The following VSTM4 variants were observed in gnomAD, a reference collection of about 807,000 sequenced individuals.
VSTM4 encodes the protein V-set and transmembrane domain-containing protein 4.
Under a neutral mutation model 36.4 loss-of-function variants are expected in VSTM4, and 20 were observed. The observed-to-expected ratio is 0.55, with a 90% CI of 0.39 to 0.80. The LOEUF is 0.80. VSTM4 is among the 30% of genes least tolerant of loss of function. The pLI, the probability that VSTM4 is intolerant of heterozygous loss-of-function variation, is 0.00. For missense variants in VSTM4, 392 were observed against 404.5 expected (o/e 0.97, Z 0.26); for synonymous variants, 182 against 173.9 (o/e 1.05, Z -0.37).
In VSTM4 at chr10:49,051,307, T is replaced by A. The variant is rs183531514; in HGVS notation, c.669-2723A>T. ...CACAGAGTTGGAATGATACAATATA[T>A]AGCCTTTTCAGATTGGCCTCTTTCA... On this transcript the variant is annotated intron_variant, in intron 5 of 7. Transcript: ENST00000332853. Among the ~76,000 whole-genome samples, 4 of 152,266 alleles carry A rather than the reference T, an allele frequency of 2.6e-5. No individual in the cohort carries two copies. In the East Asian group the frequency reaches 7.7e-4, roughly 29 times the overall value.
Position 49,019,610 on chromosome 10 carries a change from G to C in VSTM4, c.*40C>G. The C allele has an allele frequency of 6.4e-7, 1 of 1,563,290 alleles. No homozygotes were observed. The highest frequency in any genetic ancestry group is 1.2e-5 in the South Asian group (1 of 83,912). On this transcript the variant is annotated 3_prime_UTR_variant, in exon 8 of 8. Coordinates refer to ENST00000332853, the MANE Select transcript of VSTM4 (RefSeq NM_001031746.5). Reference sequence around the variant, plus strand: ...TCTCCAAGGCTTCATAAATCACTGGGTGGCAGGTATTAAATAGAACCTTGG... The same window carrying C: ...TCTCCAAGGCTTCATAAATCACTGGCTGGCAGGTATTAAATAGAACCTTGG...
intron 5 of VSTM4, among the ~76,000 whole-genome samples, chr10:49,056,033 T>G (rs1843773313): frequency 6.6e-6 from 1 of 152,268 alleles, no homozygotes; most frequent in Non-Finnish European, 1.5e-5. Context: ...CTGCTGCATC[T>G]GCTCCATGAC....
intron 5 of VSTM4, among the ~76,000 whole-genome samples, chr10:49,055,047 A>G (rs1043269600): frequency 6.6e-6 from 1 of 152,170 alleles, no homozygotes; most frequent in African/African-American, 2.4e-5. Context: ...CCTGGGCACA[A>G]AGCTGTCTGT....
intron 7 of VSTM4, among the ~76,000 whole-genome samples, chr10:49,036,044 C>T (rs1282490103): frequency 6.6e-6 from 1 of 152,160 alleles, no homozygotes; most frequent in African/African-American, 2.4e-5. Context: ...AAAGACAGCC[C>T]TGTGTCAAGG....
chr10:49,055,399 T>C (rs1843762593), intron 5 of VSTM4, among the ~76,000 whole-genome samples: 1 of 152,222 alleles, frequency 6.6e-6, no homozygotes, highest in South Asian at 2.1e-4. Context: ...TTCCAAGATT[T>C]CACACAGCAC....
rs1195333138 is a variant in VSTM4 at position 49,030,528 on chromosome 10, G to A, written c.838-10753C>T. 8.5e-5 allele frequency among the ~76,000 whole-genome samples: 13 copies of A among 152,220 alleles called. No homozygotes were observed. The South Asian group carries it at 2.5e-3, about 29-fold the overall frequency. ...GGACTGAGAGCCAGTCACCCAGCAT[G>A]CTCTAGGACAGTGGGAGGACTGGAA... On this transcript the variant is annotated intron_variant, in intron 7 of 7. Coordinates refer to ENST00000332853, the MANE Select transcript of VSTM4 (RefSeq NM_001031746.5).
chr10:49,108,153 G>T (rs1036957135), intron 1 of VSTM4, among the ~76,000 whole-genome samples, 158 bp from the exon 2 acceptor site: 4 of 152,176 alleles, frequency 2.6e-5, no homozygotes, highest in Admixed American at 6.5e-5. Context: ...CCAGAGGAGG[G>T]GTTCTTCTGG....
At chr10:49,069,914 G>A (rs1005907533) in intron 4 of VSTM4, among the ~76,000 whole-genome samples, 6 of 152,150 alleles carry the variant, frequency 3.9e-5, no homozygotes, top group Non-Finnish European at 5.9e-5. Context: ...AGATGTGCTG[G>A]AGTGTGAGAT....
chr10:49,042,999 G>A (rs763850086), intron 7 of VSTM4, among the ~76,000 whole-genome samples: 8 of 152,174 alleles, frequency 5.3e-5, no homozygotes, highest in Non-Finnish European at 1.0e-4. Flanking sequence ...CCCTGACACA[G>A]GAACATGCTT....
intron 5 of VSTM4, 159 bp downstream of exon 5, chr10:49,064,544 A>G (rs1843937682): frequency 2.4e-6 from 2 of 821,254 alleles, no homozygotes; most frequent in East Asian, 2.7e-5. Context: ...GACCTTGGAA[A>G]CATGCAAATG....
chr10:49,090,683 AG>A (rs1844457089), intron 2 of VSTM4, among the ~76,000 whole-genome samples: 1 of 152,208 alleles, frequency 6.6e-6, no homozygotes, highest in Non-Finnish European at 1.5e-5. Flanking sequence ...TTCTGACCAC[AG>A]CCCCCCTCTG....
intron 7 of VSTM4, among the ~76,000 whole-genome samples, chr10:49,044,253 G>A (rs867389720): frequency 6.6e-6 from 1 of 152,052 alleles, no homozygotes; most frequent in Admixed American, 6.6e-5. Context: ...ACTTGAACCA[G>A]GGAGGTGGAG....
rs191452217 is a variant in VSTM4, at chr10:49,047,149, C to T, written c.776-105G>A. ...TATTCTGAGAGGTCTCATACCCCTTCCTGGTCCCATGGAAGAACTTTCTGA... is the reference window on the plus strand; with the variant it reads ...TATTCTGAGAGGTCTCATACCCCTTTCTGGTCCCATGGAAGAACTTTCTGA... On this transcript the variant is annotated intron_variant, in intron 6 of 7. Transcript: ENST00000332853. 1.5e-4 allele frequency: 171 copies of T among 1,159,294 alleles called. No individual in the cohort carries two copies. In the African/African-American group the frequency reaches 2.2e-3, roughly 15 times the overall value. 71.8% of individuals were successfully genotyped at this position (1,159,294 alleles called of 1,614,324 possible). A position where few individuals can be genotyped will look rare whatever the true frequency, so the allele number is the denominator to read the frequency against.
At chr10:49,028,468 A>G (rs1236725539) in intron 7 of VSTM4, among the ~76,000 whole-genome samples, 2 of 152,170 alleles carry the variant, frequency 1.3e-5, no homozygotes, top group African/African-American at 2.4e-5. Context: ...TAATCATGGA[A>G]AGTATGTCCA....
intron 7 of VSTM4, among the ~76,000 whole-genome samples, chr10:49,043,792 A>T (rs1399885606): frequency 1.3e-5 from 2 of 152,248 alleles, no homozygotes; most frequent in African/African-American, 4.8e-5. Context: ...AGAGAAATAC[A>T]GGCAAAAAAG....
chr10:49,089,781 A>G (rs1250377373), intron 2 of VSTM4, among the ~76,000 whole-genome samples: 1 of 152,230 alleles, frequency 6.6e-6, no homozygotes, highest in Admixed American at 6.5e-5. Context: ...TCCCATAAGT[A>G]TCTTGTTGCA....
intron 5 of VSTM4, among the ~76,000 whole-genome samples, chr10:49,049,796 T>G (rs1424925163): frequency 6.6e-6 from 1 of 151,998 alleles, no homozygotes; most frequent in Admixed American, 6.6e-5. Flanking sequence ...CAGTCAAATG[T>G]GAGGCAAAGC....
intron 7 of VSTM4, among the ~76,000 whole-genome samples, chr10:49,020,749 A>AAGGAAGGGAGGG (rs1554828663): frequency 7.4e-6 from 1 of 135,686 alleles, no homozygotes; most frequent in African/African-American, 2.9e-5. Context: ...GGAAGGAAGG[A>AAGGAAGGGAGGG]AGGGAGGGAG....
chr10:49,108,367 T>TC (rs1844829673), intron 1 of VSTM4, among the ~76,000 whole-genome samples: 1 of 152,070 alleles, frequency 6.6e-6, no homozygotes, highest in African/African-American at 2.4e-5. Flanking sequence ...CCCCCACCAC[T>TC]CCCCACACCT....
Sources: allele counts gnomAD v4.1 joint callset (sites outside exome capture counted in the v4.1 genomes callset), GRCh38; gene constraint gnomAD v4.1.1; transcripts MANE v1.5; gene names NCBI Gene and HGNC (gene_info 2026-07-23, HGNC 2026-07-21).